The following AVEN variants were observed in gnomAD, a reference collection of about 807,000 sequenced individuals.
AVEN encodes cell death regulator Aven.
AVEN carries 41 observed loss-of-function variants against 38.1 expected under a neutral mutation model. The ratio of observed to expected loss-of-function variants is 1.08; its 90% CI spans 0.84 to 1.40. The LOEUF (loss-of-function observed/expected upper bound fraction) is 1.40, where lower values mean the gene tolerates loss of function less well. AVEN is among the 40% of genes most tolerant of loss of function. The pLI, the probability that AVEN is intolerant of heterozygous loss-of-function variation, is 0.00. For synonymous variants in AVEN, 206 were observed against 171.8 expected (o/e 1.20, Z -1.56); for missense variants, 605 against 438.8 (o/e 1.38, Z -3.38).
intron 4 of AVEN, among the ~76,000 whole-genome samples, chr15:33,868,544 C>CAA (rs35851228): frequency 0.031 from 2,018 of 65,296 alleles, 101 homozygotes; most frequent in East Asian, 0.052. Flanking sequence ...GACTCCGTCT[C>CAA]AAAAAAAAAA....
Position 34,047,809 on chromosome 15 carries a change from C to T in AVEN, n.1637+15113G>A, listed in dbSNP as rs759787123. ...TGTCACCCAGGCTGGAGTGCAATGG[C>T]GCAATCTCGGCTTACTGCAACCTCT... On this transcript the variant is annotated intron_variant and non_coding_transcript_variant, in intron 5 of 11. Transcript: ENST00000675287. Among the ~76,000 whole-genome samples, 4 of 152,138 alleles carry T rather than the reference C, an allele frequency of 2.6e-5. 1 individual carries two copies. The highest frequency in any genetic ancestry group is 4.2e-4 in the South Asian group (2 of 4,806).
At chr15:34,015,488 T>TAA (rs61057225) in intron 1 of AVEN, among the ~76,000 whole-genome samples, 5 of 150,202 alleles carry the variant, frequency 3.3e-5, no homozygotes, top group African/African-American at 7.3e-5. Flanking sequence ...TCTCAAAAAA[T>TAA]AAAAAAAAAT....
At chr15:33,945,149 T>C (rs2153054726) in intron 2 of AVEN, among the ~76,000 whole-genome samples, 1 of 152,318 alleles carries the variant, frequency 6.6e-6, no homozygotes, top group South Asian at 2.1e-4. Context: ...TCTTTATTTA[T>C]TGCAATGTCA....
At chr15:34,008,934 ACACT>A (rs1286470440) in intron 1 of AVEN, among the ~76,000 whole-genome samples, 4 of 117,886 alleles carry the variant, frequency 3.4e-5, no homozygotes, top group South Asian at 2.9e-4. Context: ...ATTAAAACAC[ACACT>A]CACACGTGCG....
rs546444608 is a variant in AVEN, at chr15:33,953,100, AAGG to A, written c.445+49929_445+49931del. On this transcript the variant is annotated intron_variant, in intron 2 of 5. Transcript: ENST00000306730. ...TACAAGGGATGTGAAGGACCTCTTC[AAGG>A]AGAACTACAAACCACTGCTCTACGA... is the stretch of plus-strand genomic sequence containing the variant. Among the ~76,000 whole-genome samples the A allele has an allele frequency of 7.9e-4, 120 of 152,294 alleles. No individual in the cohort carries two copies. In the South Asian group the frequency reaches 0.024, roughly 30 times the overall value.
intron 2 of AVEN, among the ~76,000 whole-genome samples, chr15:33,940,280 C>T (rs376404472): frequency 6.6e-6 from 1 of 152,166 alleles, no homozygotes; most frequent in Non-Finnish European, 1.5e-5. Context: ...CTTAAAAAAT[C>T]ATTAAGGCAG....
At chr15:33,885,803 T>A (rs1302778560) in intron 2 of AVEN, 1 of 152,214 alleles carries the variant, frequency 6.6e-6, no homozygotes, top group African/African-American at 2.4e-5. Context: ...GAGAAAAGGA[T>A]GATGACATTC....
At chr15:33,963,067 T>C (rs1036656837) in intron 2 of AVEN, among the ~76,000 whole-genome samples, 5 of 152,108 alleles carry the variant, frequency 3.3e-5, no homozygotes, top group East Asian at 1.9e-4. Context: ...GATGCCTATA[T>C]GAGAAGGAAA....
rs529079888 is a variant in AVEN, at chr15:33,924,349, G to A, written c.446-48354C>T. Among the ~76,000 whole-genome samples, 4 of 109,384 alleles carry A rather than the reference G, an allele frequency of 3.7e-5. No individual in the cohort carries two copies. In the South Asian group the frequency reaches 9.0e-4, roughly 25 times the overall value. 71.8% of individuals were successfully genotyped at this position (109,384 alleles called of 152,430 possible). On this transcript the variant is annotated intron_variant, in intron 2 of 5. Transcript: ENST00000306730. Reference sequence around the variant, plus strand: ...CATGCCACTGCACTCCAGCCTAGGTGACAGAGCGAGACTGTCTCAAAAAAA... The same window carrying A: ...CATGCCACTGCACTCCAGCCTAGGTAACAGAGCGAGACTGTCTCAAAAAAA...
chr15:33,976,706 CA>C (rs969698986), intron 2 of AVEN, among the ~76,000 whole-genome samples: 1,634 of 149,210 alleles, frequency 0.011, 32 homozygotes, highest in African/African-American at 0.038. Flanking sequence ...AAGACAGAAA[CA>C]AAAAAAAAAT....
chr15:34,006,297 C>T (rs901039942), intron 1 of AVEN, among the ~76,000 whole-genome samples: 1 of 147,018 alleles, frequency 6.8e-6, no homozygotes, highest in African/African-American at 2.5e-5. Context: ...GGCAACAGAG[C>T]GAGACTCCGT....
downstream of AVEN, chr15:33,866,180 C>A: frequency 5.8e-6 from 1 of 172,276 alleles, no homozygotes; most frequent in Admixed American, 5.5e-5. Context: ...GGAAAGGGGA[C>A]ATGAGACGAA....
At chr15:33,853,495 G>A in the AVEN span, 32 of 1,586,390 alleles carry the variant, frequency 2.0e-5, no homozygotes, top group Admixed American at 3.4e-5. Flanking sequence ...AGACCCCAGA[G>A]CTAGAAAATA....
Position 33,899,460 on chromosome 15 carries a change from C to CTTTTTTTTTTTTTTTTTTT in AVEN, c.446-23484_446-23466dup, listed in dbSNP as rs533788693. Among the ~76,000 whole-genome samples the CTTTTTTTTTTTTTTTTTTT allele has an allele frequency of 6.7e-4, 44 of 65,434 alleles. 5 individuals are homozygous for CTTTTTTTTTTTTTTTTTTT. The highest frequency in any genetic ancestry group is 8.3e-3 in the Middle Eastern group (1 of 120). 42.9% of individuals were successfully genotyped at this position (65,434 alleles called of 152,430 possible). A position where few individuals can be genotyped will look rare whatever the true frequency, so the allele number is the denominator to read the frequency against. ...TACATTTATTTGCTTCAGGGAAAACCTTTTTTTTTTTTTTTTTTTTTTTTT... is the reference window on the plus strand; with the variant it reads ...TACATTTATTTGCTTCAGGGAAAACCTTTTTTTTTTTTTTTTTTTTTTTTTTTTTTTTTTTTTTTTTTTT... On this transcript the variant is annotated intron_variant, in intron 2 of 5. Coordinates refer to ENST00000306730, the MANE Select transcript of AVEN (RefSeq NM_020371.3).
chr15:34,023,688 G>C (rs1898311080), intron 1 of AVEN, among the ~76,000 whole-genome samples: 1 of 152,140 alleles, frequency 6.6e-6, no homozygotes, highest in Non-Finnish European at 1.5e-5. Context: ...TCTGTTGCTT[G>C]CCATCCCTTC....
chr15:33,866,311 CTGTAAACACTGGCTATGT>C lies in AVEN; in HGVS notation c.*284_*301del, dbSNP rs1388507600. 5.8e-5 allele frequency: 22 copies of C among 381,022 alleles called. No individual in the cohort carries two copies. The highest frequency in any genetic ancestry group is 7.5e-4 in the Middle Eastern group (1 of 1,338). The allele number at this position is 381,022 out of a possible 1,614,324, so 23.6% of individuals were successfully genotyped here. A position where few individuals can be genotyped will look rare whatever the true frequency, so the allele number is the denominator to read the frequency against. On this transcript the variant is annotated 3_prime_UTR_variant, in exon 6 of 6. Coordinates refer to ENST00000306730, the MANE Select transcript of AVEN (RefSeq NM_020371.3). The stretch of plus-strand genomic sequence containing the variant: ...TTAATCAGCAGCAGCATCTGCTATG[CTGTAAACACTGGCTATGT>C]TGTAAACACTGCAAGGAAGGAGGCT...
At chr15:34,045,476 C>T (rs1391053884) in intron 5 of AVEN, among the ~76,000 whole-genome samples, 2 of 152,224 alleles carry the variant, frequency 1.3e-5, no homozygotes, top group African/African-American at 2.4e-5. Flanking sequence ...AGTCCTTCCT[C>T]ATATCTAACA....
intron 2 of AVEN, among the ~76,000 whole-genome samples, chr15:33,940,118 T>C (rs1307774672): frequency 6.6e-6 from 1 of 152,196 alleles, no homozygotes; most frequent in Non-Finnish European, 1.5e-5. Flanking sequence ...TGCAGAATTA[T>C]GAGAAATAAA....
chr15:34,021,433 A>G (rs9672432), intron 1 of AVEN, among the ~76,000 whole-genome samples: 138,504 of 151,878 alleles, frequency 0.91, 64,319 homozygotes, highest in Non-Finnish European at 1. Flanking sequence ...TTTCAGGCAC[A>G]CACCACCATG....
Sources: allele counts gnomAD v4.1 joint callset (sites outside exome capture counted in the v4.1 genomes callset), GRCh38; gene constraint gnomAD v4.1.1; transcripts MANE v1.5; gene names NCBI Gene and HGNC (gene_info 2026-07-23, HGNC 2026-07-21).